Variants in PPM1H observed in about 807,000 individuals in gnomAD.
The protein encoded by PPM1H is protein phosphatase, Mg2+/Mn2+ dependent 1H.
A neutral mutation model predicts 54.9 loss-of-function variants in PPM1H; 27 were observed. The observed-to-expected ratio is 0.49, with a 90% CI of 0.36 to 0.68. The LOEUF (loss-of-function observed/expected upper bound fraction) is 0.68. Ranked by LOEUF, PPM1H falls within the 30% of genes least tolerant of loss-of-function variation. The probability of loss-of-function intolerance (pLI) is 0.00; values close to 1 mark genes in which losing one functional copy is unlikely to be tolerated. For synonymous variants in PPM1H, 305 were observed against 270.8 expected, an observed-to-expected ratio of 1.13 and a Z score of -1.24; for missense variants, 596 against 667.8, an observed-to-expected ratio of 0.89 and a Z score of 1.19.
At chr12:62,718,302 A>G (rs2663963) in intron 6 of PPM1H, among the ~76,000 whole-genome samples, 145,000 of 152,264 alleles carry the variant, frequency 0.95, 69,125 homozygotes, top group East Asian at 1. Context: ...TTTTCGTTCC[A>G]TGTTTTCTGC....
At chr12:62,801,742 C>T (rs999993318) in intron 3 of PPM1H, 74 bp downstream of exon 3, 2 of 1,523,460 alleles carry the variant, frequency 1.3e-6, no homozygotes, top group Non-Finnish European at 1.8e-6. Flanking sequence ...TCTGGGAGCC[C>T]TCCAGGAAGG....
rs145396321 is a variant in PPM1H at position 62,664,575 on chromosome 12, T to G, written c.1397+2603A>C. ...AGCTAACACCCCTCCCTTGACAATT[T>G]GTACGCTATTTTTATGCAATATTTT... On this transcript the variant is annotated intron_variant, in intron 9 of 9. Coordinates refer to ENST00000228705, the MANE Select transcript of PPM1H (RefSeq NM_020700.2). Among the ~76,000 whole-genome samples, 208 of 152,346 alleles carry G rather than the reference T, an allele frequency of 1.4e-3. 1 individual carries two copies. The highest frequency in any genetic ancestry group is 4.9e-3 in the African/African-American group (203 of 41,578).
intron 4 of PPM1H, among the ~76,000 whole-genome samples, chr12:62,753,747 G>A (rs1227715951): frequency 2.6e-5 from 4 of 152,272 alleles, no homozygotes; most frequent in Admixed American, 6.5e-5. Context: ...GAGAATGCCA[G>A]GTTCTCTCCC....
chr12:62,854,425 T>C (rs1263983676), intron 1 of PPM1H, among the ~76,000 whole-genome samples: 3 of 152,134 alleles, frequency 2.0e-5, no homozygotes, highest in Non-Finnish European at 4.4e-5. Flanking sequence ...AGCTTTACCC[T>C]TTTGCCTTAT....
At chr12:62,697,553 G>C (rs1426610921) in intron 6 of PPM1H, among the ~76,000 whole-genome samples, 1 of 152,036 alleles carries the variant, frequency 6.6e-6, no homozygotes, top group Non-Finnish European at 1.5e-5. Context: ...AGGCCTGTCT[G>C]TTTTATATTA....
At chr12:62,710,133 T>A (rs2076199051) in intron 6 of PPM1H, among the ~76,000 whole-genome samples, 1 of 151,946 alleles carries the variant, frequency 6.6e-6, no homozygotes. Flanking sequence ...CATAGTCCTA[T>A]ATGATGAAAT....
intron 9 of PPM1H, among the ~76,000 whole-genome samples, chr12:62,663,418 T>C (rs1454497043): frequency 2.0e-5 from 3 of 152,054 alleles, no homozygotes; most frequent in African/African-American, 7.2e-5. Flanking sequence ...AACTCCCAGG[T>C]TCAGGTGATC....
chr12:62,925,863 C>G (rs762843126), intron 1 of PPM1H, among the ~76,000 whole-genome samples: 4 of 152,210 alleles, frequency 2.6e-5, no homozygotes, highest in Non-Finnish European at 5.9e-5. Flanking sequence ...CACTATTTGC[C>G]TGTTGACACA....
At chr12:62,781,402 TGTG>T (rs2076641393) in intron 4 of PPM1H, among the ~76,000 whole-genome samples, 1 of 152,164 alleles carries the variant, frequency 6.6e-6, no homozygotes, top group Non-Finnish European at 1.5e-5. Flanking sequence ...TTGCCCTGCG[TGTG>T]GTGTCCGGCT....
At chr12:62,891,825 T>C (rs1870807707) in intron 1 of PPM1H, among the ~76,000 whole-genome samples, 1 of 152,182 alleles carries the variant, frequency 6.6e-6, no homozygotes, top group African/African-American at 2.4e-5. Context: ...GTGAAAGCGA[T>C]CAAGAACCTA....
chr12:62,858,007 A>G (rs1182480540), intron 1 of PPM1H, among the ~76,000 whole-genome samples: 1 of 151,886 alleles, frequency 6.6e-6, no homozygotes, highest in East Asian at 1.9e-4. Context: ...CCTTTGACCC[A>G]TCTTTCAAAA....
chr12:62,788,343 A>C lies in PPM1H; in HGVS notation c.757-5T>G, dbSNP rs766093492. ...CTCTCGTTCTATCTGTAGGTCCTGG[A>C]GAATAAAACAGAGTTAGTGTTGGAT... On this transcript the variant is annotated splice_region_variant and splice_polypyrimidine_tract_variant and intron_variant, in intron 3 of 9. Transcript: ENST00000228705. 2 of 1,500,138 alleles carry C rather than the reference A, an allele frequency of 1.3e-6. No homozygotes were observed. Among genetic ancestry groups the C allele is most frequent in the Non-Finnish European group, 1.8e-6 (2 of 1,095,808 alleles). 92.9% of individuals were successfully genotyped at this position (1,500,138 alleles called of 1,614,324 possible). A position where few individuals can be genotyped will look rare whatever the true frequency, so the allele number is the denominator to read the frequency against.
intron 3 of PPM1H, 103 bp from the exon 4 acceptor site, chr12:62,788,441 A>C (rs553169348): frequency 1.4e-6 from 1 of 694,810 alleles, no homozygotes; most frequent in South Asian, 1.9e-5. Context: ...ATGTGCTTCA[A>C]GAAGGGACTA....
chr12:62,689,620 T>G, intron 8 of PPM1H, 79 bp downstream of exon 8: 1 of 1,018,238 alleles, frequency 9.8e-7, no homozygotes, highest in Non-Finnish European at 1.5e-6. Context: ...ACTGTCTGGA[T>G]ATGGGGTGTG....
intron 1 of PPM1H, among the ~76,000 whole-genome samples, chr12:62,864,271 G>C (rs903503871): frequency 6.6e-6 from 1 of 152,190 alleles, no homozygotes; most frequent in South Asian, 2.1e-4. Flanking sequence ...AAGCAAGTTT[G>C]CAGTAATAAA....
At chr12:62,879,614 G>T (rs1870316819) in intron 1 of PPM1H, among the ~76,000 whole-genome samples, 1 of 152,076 alleles carries the variant, frequency 6.6e-6, no homozygotes, top group South Asian at 2.1e-4. Flanking sequence ...GCCTGTTGGG[G>T]TACGGGAGGT....
chr12:62,909,678 T>C (rs1871398869), intron 1 of PPM1H, among the ~76,000 whole-genome samples: 1 of 152,166 alleles, frequency 6.6e-6, no homozygotes, highest in East Asian at 1.9e-4. Context: ...TCTGTCTCAT[T>C]CTTTGGACTC....
At chr12:62,899,055 A>T (rs1164085732) in intron 1 of PPM1H, among the ~76,000 whole-genome samples, 1 of 152,212 alleles carries the variant, frequency 6.6e-6, no homozygotes, top group Non-Finnish European at 1.5e-5. Flanking sequence ...GAACAATAGC[A>T]TATATTAACA....
chr12:62,928,917 T>C (rs1872050697), intron 1 of PPM1H, among the ~76,000 whole-genome samples: 1 of 152,214 alleles, frequency 6.6e-6, no homozygotes, highest in Admixed American at 6.5e-5. Flanking sequence ...GAGTAAAGTC[T>C]TCCCCAGCAT....
Sources: gnomAD v4.1 joint callset for allele counts (sites outside exome capture counted in the v4.1 genomes callset) on GRCh38, gnomAD v4.1.1 for gene constraint, MANE v1.5 for transcripts, NCBI Gene and HGNC (gene_info 2026-07-23, HGNC 2026-07-21) for gene names.